CNDP1: variants seen among roughly 807,000 people sequenced by gnomAD.
CNDP1 encodes the protein beta-Ala-His dipeptidase.
Under a neutral mutation model 58.1 loss-of-function variants are expected in CNDP1, and 44 were observed. The ratio of observed to expected loss-of-function variants is 0.76; its 90% CI spans 0.60 to 0.97. The LOEUF is 0.97. CNDP1 is among the 50% of genes least tolerant of loss of function. The pLI is 0.00. For missense variants in CNDP1, 616 were observed against 655.1 expected (o/e 0.94, Z 0.65); for synonymous variants, 254 against 252.6 (o/e 1.01, Z -0.05).
intron 1 of CNDP1, among the ~76,000 whole-genome samples, chr18:74,548,015 G>A (rs571520226): frequency 5.9e-5 from 9 of 152,068 alleles, no homozygotes; most frequent in East Asian, 1.9e-4. Context: ...CTGGGCAACC[G>A]CCTACCCCCG....
At position 74,585,980 on chromosome 18, in the gene CNDP1, T is replaced by TGAGA. The variant is rs1280781785; in HGVS notation, c.*1419_*1422dup. ...CTGCACTCCAGCCTGGGCGACAGAG[T>TGAGA]GAGACTCCGTCTCCAAAAAAAAAAA... On this transcript the variant is annotated 3_prime_UTR_variant, in exon 12 of 12. Coordinates refer to ENST00000358821, the MANE Select transcript of CNDP1 (RefSeq NM_032649.6). The TGAGA allele has an allele frequency of 1.8e-5, 2 of 110,156 alleles. No homozygotes were observed. Among genetic ancestry groups the TGAGA allele is most frequent in the Non-Finnish European group, 3.4e-5 (2 of 59,668 alleles). 6.8% of individuals were successfully genotyped at this position (110,156 alleles called of 1,614,324 possible).
chr18:74,538,739 A>G (rs1980544306), intron 1 of CNDP1, among the ~76,000 whole-genome samples: 1 of 152,186 alleles, frequency 6.6e-6, no homozygotes, highest in African/African-American at 2.4e-5. Flanking sequence ...CTGGGTGGGA[A>G]GTGGTGTCTG....
At chr18:74,540,314 C>G (rs573078492) in intron 1 of CNDP1, among the ~76,000 whole-genome samples, 1 of 152,130 alleles carries the variant, frequency 6.6e-6, no homozygotes, top group African/African-American at 2.4e-5. Flanking sequence ...CCCACTGCCA[C>G]ACCCAACTAA....
At chr18:74,536,958 G>A (rs1980500641) in intron 1 of CNDP1, among the ~76,000 whole-genome samples, 1 of 152,078 alleles carries the variant, frequency 6.6e-6, no homozygotes, top group Non-Finnish European at 1.5e-5. Context: ...GTCTGTTCAT[G>A]TCCTTTGCCC....
intron 5 of CNDP1, among the ~76,000 whole-genome samples, chr18:74,562,534 T>A (rs540961665): frequency 3.4e-4 from 52 of 152,350 alleles, no homozygotes; most frequent in African/African-American, 1.2e-3. Flanking sequence ...TATCACAAAG[T>A]ATGATTTGTT....
At chr18:74,556,286 C>T (rs982512991) in intron 1 of CNDP1, 52 bp from the exon 2 acceptor site, 31 of 1,594,768 alleles carry the variant, frequency 1.9e-5, no homozygotes, top group East Asian at 1.6e-4. Context: ...GGTCCGAAGT[C>T]CAGCAACTGG....
At chr18:74,551,047 GTGC>G (rs1013714381) in intron 1 of CNDP1, among the ~76,000 whole-genome samples, 40 of 152,066 alleles carry the variant, frequency 2.6e-4, no homozygotes, top group Admixed American at 2.6e-3. Context: ...AGGTATTTAG[GTGC>G]TGTCCTTGCA....
chr18:74,560,614 G>A (rs927001299), intron 3 of CNDP1, among the ~76,000 whole-genome samples: 25 of 152,106 alleles, frequency 1.6e-4, no homozygotes, highest in African/African-American at 5.3e-4. Flanking sequence ...AGGCTGAGAT[G>A]GGAGAATCAC....
intron 6 of CNDP1, among the ~76,000 whole-genome samples, chr18:74,570,581 G>C (rs1321738469): frequency 6.6e-6 from 1 of 152,202 alleles, no homozygotes; most frequent in Non-Finnish European, 1.5e-5. Context: ...GTCCCTGTTG[G>C]CAAAGTCCCT....
chr18:74,559,566 C>T (rs2144655333), intron 3 of CNDP1, 94 bp downstream of exon 3: 3 of 1,203,614 alleles, frequency 2.5e-6, no homozygotes, highest in Non-Finnish European at 3.4e-6. Context: ...CACCCTGATC[C>T]TCAACCACAA....
At chr18:74,534,809 C>T (rs1980446079) in intron 1 of CNDP1, 118 bp downstream of exon 1, 2 of 1,069,262 alleles carry the variant, frequency 1.9e-6, no homozygotes, top group African/African-American at 3.1e-5. Flanking sequence ...GCCCCAGATG[C>T]TGCTCCTCAT....
intron 7 of CNDP1, chr18:74,576,571 A>G (rs1981641698): frequency 3.1e-6 from 1 of 322,192 alleles, no homozygotes. Flanking sequence ...GAACGTGAAC[A>G]TGATGCAGGT....
chr18:74,546,109 C>G (rs1045362699), intron 1 of CNDP1, among the ~76,000 whole-genome samples: 3 of 152,178 alleles, frequency 2.0e-5, no homozygotes, highest in Non-Finnish European at 4.4e-5. Flanking sequence ...TTATTTCATT[C>G]ACTCTTTTTG....
chr18:74,535,366 G>A lies in CNDP1; in HGVS notation c.24+675G>A, dbSNP rs147787772. 1.8e-3 allele frequency among the ~76,000 whole-genome samples: 274 copies of A among 152,278 alleles called. 1 individual carries two copies. Among genetic ancestry groups the A allele is most frequent in the African/African-American group, 5.5e-3 (227 of 41,554 alleles). On this transcript the variant is annotated intron_variant, in intron 1 of 11. Coordinates refer to ENST00000358821, the MANE Select transcript of CNDP1 (RefSeq NM_032649.6). ...TCAGAATTTTGTGGAAGGTTGATAC[G>A]TAGAAGACTCTCAAAAGACATACTG...
chr18:74,535,320 C>T (rs931381345), intron 1 of CNDP1, among the ~76,000 whole-genome samples: 3 of 152,200 alleles, frequency 2.0e-5, no homozygotes, highest in Admixed American at 6.5e-5. Context: ...TGCAAACACA[C>T]ACATACACAC....
Position 74,562,114 on chromosome 18 carries a change from C to A in CNDP1, c.534C>A (p.Ser178Arg), listed in dbSNP as rs550763706. The part of the protein sequence containing the change: ...GPVLAWINAV[S>R]AFRALEQDLP... ...TCTTGGCTTGGATCAATGCTGTGAG[C>A]GCCTTCAGAGCCCTGGAGCAAGTAG... The change falls in exon 5 of 12, where the codon AGC (serine) becomes AGA (arginine). Residue 178 changes from serine to arginine, a missense_variant. By Grantham distance (110) the Ser-to-Arg change is moderately radical (BLOSUM62 -1). Coordinates refer to ENST00000358821, the MANE Select transcript of CNDP1 (RefSeq NM_032649.6). 9.9e-6 allele frequency: 16 copies of A among 1,613,974 alleles called. No homozygotes were observed. In the East Asian group the frequency reaches 3.3e-4, roughly 34 times the overall value.
At chr18:74,548,643 T>A (rs1980823680) in intron 1 of CNDP1, among the ~76,000 whole-genome samples, 1 of 152,158 alleles carries the variant, frequency 6.6e-6, no homozygotes, top group Non-Finnish European at 1.5e-5. Flanking sequence ...ACTTCGGAAC[T>A]CAGTAACAGA....
At chr18:74,554,823 A>G (rs1441787608) in intron 1 of CNDP1, among the ~76,000 whole-genome samples, 2 of 152,218 alleles carry the variant, frequency 1.3e-5, no homozygotes, top group East Asian at 1.9e-4. Context: ...CTTTAAAAAG[A>G]TCACCCAGGC....
At chr18:74,535,778 T>C (rs1843053978) in intron 1 of CNDP1, among the ~76,000 whole-genome samples, 1 of 152,104 alleles carries the variant, frequency 6.6e-6, no homozygotes, top group Admixed American at 6.6e-5. Flanking sequence ...ATGTCTGCAA[T>C]CCCAACACTT....
Sources: gnomAD v4.1 joint callset for allele counts (sites outside exome capture counted in the v4.1 genomes callset) on GRCh38, gnomAD v4.1.1 for gene constraint, MANE v1.5 for transcripts, NCBI Gene and HGNC (gene_info 2026-07-23, HGNC 2026-07-21) for gene names.